TENM3: variants seen among roughly 807,000 people sequenced by gnomAD.
The protein encoded by TENM3 is teneurin transmembrane protein 3.
A neutral mutation model predicts 255.1 loss-of-function variants in TENM3; 63 were observed. The observed-to-expected ratio is 0.25, with a 90% CI of 0.20 to 0.30. TENM3 has a LOEUF of 0.30. Ranked by LOEUF, TENM3 falls within the 10% of genes least tolerant of loss-of-function variation. The pLI is 1.00. For missense variants in TENM3, 2,929 were observed against 3,461.1 expected (o/e 0.85, Z 3.86); for synonymous variants, 1,306 against 1,322.3 (o/e 0.99, Z 0.27).
chr4:182,262,930 G>T (rs1194648868), intron 1 of TENM3, among the ~76,000 whole-genome samples: 1 of 151,858 alleles, frequency 6.6e-6, no homozygotes, highest in Non-Finnish European at 1.5e-5. Flanking sequence ...AGCCAGGATG[G>T]TCTCGATCTC....
the TENM3 span, among the ~76,000 whole-genome samples, chr4:181,551,836 ATATGTGTGTG>A: frequency 1.5e-4 from 3 of 20,382 alleles, no homozygotes; most frequent in Admixed American, 5.6e-4. Flanking sequence ...ATATATATGT[ATATGTGTGTG>A]TGTGTGTGTG....
At chr4:181,934,077 C>CGT in the TENM3 span, among the ~76,000 whole-genome samples, 566 of 125,326 alleles carry the variant, frequency 4.5e-3, 5 homozygotes, top group African/African-American at 0.018. Context: ...TGTGTGTGTG[C>CGT]GCGCGCTTTT....
the TENM3 span, among the ~76,000 whole-genome samples, chr4:181,775,230 A>G: frequency 1.3e-5 from 2 of 152,256 alleles, no homozygotes; most frequent in Admixed American, 6.5e-5. Context: ...CAAGTATGAT[A>G]TCAGCTCACT....
the TENM3 span, among the ~76,000 whole-genome samples, chr4:182,061,136 G>C: frequency 6.6e-6 from 1 of 152,152 alleles, no homozygotes; most frequent in South Asian, 2.1e-4. Context: ...AGGAGAGCAG[G>C]GGGCCCGTTT....
rs539013179 is a variant in TENM3 at position 182,648,150 on chromosome 4, T to C, written c.989-5621T>C. ...CGGGCTGGAGCACAGACCATCACAG[T>C]TGACTCACCTGCAACATCATGAAAG... is the stretch of plus-strand genomic sequence containing the variant. On this transcript the variant is annotated intron_variant, in intron 5 of 27. Coordinates refer to ENST00000511685, the MANE Select transcript of TENM3 (RefSeq NM_001080477.4). Among the ~76,000 whole-genome samples the C allele has an allele frequency of 2.0e-5, 3 of 152,174 alleles. No homozygotes were observed. The South Asian group carries it at 6.2e-4, about 32-fold the overall frequency.
At chr4:181,985,697 A>G in the TENM3 span, among the ~76,000 whole-genome samples, 4 of 152,168 alleles carry the variant, frequency 2.6e-5, no homozygotes, top group East Asian at 3.9e-4. Flanking sequence ...TAAATAAACA[A>G]TGAGCAATTC....
At chr4:181,565,694 T>C in the TENM3 span, among the ~76,000 whole-genome samples, 1 of 152,118 alleles carries the variant, frequency 6.6e-6, no homozygotes, top group Non-Finnish European at 1.5e-5. Flanking sequence ...ATTGAAGGTA[T>C]TATCATGTTT....
chr4:182,661,644 C>T (rs1044586018), intron 6 of TENM3, among the ~76,000 whole-genome samples: 6 of 152,206 alleles, frequency 3.9e-5, no homozygotes, highest in African/African-American at 7.2e-5. Flanking sequence ...TTATGGCATG[C>T]GGTTGTTTAT....
intron 1 of TENM3, among the ~76,000 whole-genome samples, chr4:182,257,851 T>C (rs1181138436): frequency 6.6e-6 from 1 of 152,196 alleles, no homozygotes; most frequent in Non-Finnish European, 1.5e-5. Context: ...CTGGTCCCCA[T>C]ACAATGCTAC....
chr4:182,256,998 A>G (rs1481649132), intron 1 of TENM3, among the ~76,000 whole-genome samples: 1 of 152,074 alleles, frequency 6.6e-6, no homozygotes, highest in Non-Finnish European at 1.5e-5. Flanking sequence ...TGGTGTCAAA[A>G]AAAAGGTAGT....
rs572285641 is a variant in TENM3 at position 182,542,513 on chromosome 4, T to A, written c.512-58411T>A. ...TAGAGCCAAGGTCAAGGCAGGCAGG[T>A]TTCTTTGTGTCACTTTATATAGGGT... On this transcript the variant is annotated intron_variant, in intron 3 of 27. Transcript: ENST00000511685. 2.5e-3 allele frequency among the ~76,000 whole-genome samples: 386 copies of A among 152,302 alleles called. 3 individuals carry two copies. Among genetic ancestry groups the A allele is most frequent in the African/African-American group, 9.0e-3 (372 of 41,556 alleles).
chr4:182,096,264 A>G, the TENM3 span, among the ~76,000 whole-genome samples: 1 of 152,228 alleles, frequency 6.6e-6, no homozygotes, highest in African/African-American at 2.4e-5. Flanking sequence ...AAGACGGGAC[A>G]AATTAACTTC....
chr4:182,231,851 G>A (rs1171314985), intron 1 of TENM3, among the ~76,000 whole-genome samples: 1 of 152,210 alleles, frequency 6.6e-6, no homozygotes, highest in South Asian at 2.1e-4. Flanking sequence ...TGCAGTCTCT[G>A]CCAGCCATTT....
chr4:182,412,495 A>G (rs1423861984), intron 3 of TENM3, among the ~76,000 whole-genome samples: 1 of 152,186 alleles, frequency 6.6e-6, no homozygotes, highest in Admixed American at 6.5e-5. Flanking sequence ...TGCATATGAA[A>G]TGAAAATGAT....
chr4:181,972,931 A>C, the TENM3 span, among the ~76,000 whole-genome samples: 1 of 149,794 alleles, frequency 6.7e-6, no homozygotes, highest in Admixed American at 6.7e-5. Flanking sequence ...TGGTTTTGCC[A>C]AAAAAAAAAT....
At position 182,551,231 on chromosome 4, in the gene TENM3, A is replaced by C. The variant is rs1035986092; in HGVS notation, c.512-49693A>C. ...GTGAGACTCCATCTAAAAAAAAAAAAAAAAAAAAACCTTATATGTATAATT... is the reference window on the plus strand; with the variant it reads ...GTGAGACTCCATCTAAAAAAAAAAACAAAAAAAAACCTTATATGTATAATT... On this transcript the variant is annotated intron_variant, in intron 3 of 27. Transcript: ENST00000511685. Among the ~76,000 whole-genome samples, 460 of 151,986 alleles carry C rather than the reference A, an allele frequency of 3.0e-3. 2 individuals are homozygous for C. Among genetic ancestry groups the C allele is most frequent in the Non-Finnish European group, 4.7e-3 (319 of 67,958 alleles).
At chr4:182,406,970 AG>A (rs2151060951) in intron 3 of TENM3, among the ~76,000 whole-genome samples, 1 of 152,330 alleles carries the variant, frequency 6.6e-6, no homozygotes, top group African/African-American at 2.4e-5. Flanking sequence ...GGGAAACTAA[AG>A]AATGCTAACC....
intron 14 of TENM3, among the ~76,000 whole-genome samples, 186 bp downstream of exon 14, chr4:182,729,367 G>A (rs1273157307): frequency 6.6e-6 from 1 of 152,054 alleles, no homozygotes; most frequent in Non-Finnish European, 1.5e-5. Context: ...CACATACTTT[G>A]TCAATTTCAG....
At chr4:182,406,522 A>T (rs1036812768) in intron 3 of TENM3, among the ~76,000 whole-genome samples, 2 of 152,172 alleles carry the variant, frequency 1.3e-5, no homozygotes, top group African/African-American at 4.8e-5. Flanking sequence ...CAATGATGGA[A>T]CACCTGCCAG....
Sources: gnomAD v4.1 joint callset for allele counts (sites outside exome capture counted in the v4.1 genomes callset) on GRCh38, gnomAD v4.1.1 for gene constraint, MANE v1.5 for transcripts, NCBI Gene and HGNC (gene_info 2026-07-23, HGNC 2026-07-21) for gene names.